Variants in WDR27 observed in about 807,000 individuals in gnomAD.
The protein encoded by WDR27 is WD repeat domain 27, also known as WD repeat-containing protein 27.
In WDR27, 100 loss-of-function variants were observed where a neutral mutation model predicts 114.4. That is an observed-to-expected ratio of 0.87 (90% CI 0.74 to 1.03). The LOEUF is 1.03. Among genes scored for constraint, WDR27 ranks in the 50% least tolerant of loss-of-function variants. The pLI is 0.00. For synonymous variants in WDR27, 449 were observed against 423.1 expected, an observed-to-expected ratio of 1.06 and a Z score of -0.75; for missense variants, 1,129 against 1,092.9, an observed-to-expected ratio of 1.03 and a Z score of -0.47.
At chr6:169,456,914 C>T (rs951951966), downstream of WDR27, among the ~76,000 whole-genome samples, 5 of 151,136 alleles carry the variant, frequency 3.3e-5, no homozygotes, top group African/African-American at 4.9e-5. This position sits in a 1 kb window ranked among gnomAD's most constrained non-coding sequence, Gnocchi z 4.0. Context: ...TCAGAGGCCA[C>T]GCTCACCACG....
At chr6:169,647,362 C>T (rs1014554754) in intron 16 of WDR27, among the ~76,000 whole-genome samples, 3 of 152,246 alleles carry the variant, frequency 2.0e-5, no homozygotes, top group African/African-American at 7.2e-5. Flanking sequence ...AGCCTGGCGC[C>T]TCCAGCCCAT....
chr6:169,619,681 T>C (rs772397974), intron 21 of WDR27, among the ~76,000 whole-genome samples: 48 of 152,152 alleles, frequency 3.2e-4, no homozygotes, highest in Non-Finnish European at 5.7e-4. Flanking sequence ...CTGGGATCAA[T>C]AGAAAGGAAA....
chr6:169,524,537 C>T (rs1485509096), intron 25 of WDR27, among the ~76,000 whole-genome samples: 2 of 152,086 alleles, frequency 1.3e-5, no homozygotes, highest in Non-Finnish European at 1.5e-5. Context: ...AAATATCCTC[C>T]AAATTTATAG....
Position 169,518,176 on chromosome 6 carries a change from A to C in WDR27, c.2645+54243T>G, listed in dbSNP as rs375199047. ...TGCAGCTTTTCTAGGCACAGGGTGC[A>C]AGCTGCCAGTGATCTACCATTCTGG... On this transcript the variant is annotated intron_variant, in intron 25 of 25. Transcript: ENST00000448612. Among the ~76,000 whole-genome samples, 32 of 152,306 alleles carry C rather than the reference A, an allele frequency of 2.1e-4. 1 individual carries two copies. The Middle Eastern group carries it at 0.014, about 65-fold the overall frequency.
chr6:169,613,028 GCTTT>G (rs1360992149), intron 22 of WDR27, among the ~76,000 whole-genome samples: 1 of 152,246 alleles, frequency 6.6e-6, no homozygotes, highest in Non-Finnish European at 1.5e-5. Context: ...AAACTAAGGT[GCTTT>G]CTAACTTTTA....
intron 22 of WDR27, among the ~76,000 whole-genome samples, chr6:169,602,957 T>G (rs1294545985): frequency 1.3e-5 from 2 of 151,746 alleles, no homozygotes; most frequent in African/African-American, 2.4e-5. Flanking sequence ...TTCTCCAGCC[T>G]CAGCCTCCCA....
At chr6:169,552,973 G>GGGGTGT (rs1472592601) in intron 25 of WDR27, among the ~76,000 whole-genome samples, 7 of 61,798 alleles carry the variant, frequency 1.1e-4, no homozygotes, top group Admixed American at 1.7e-4. Context: ...GGGCCTGCCC[G>GGGGTGT]GTGTGTGTGT....
At position 169,673,414 on chromosome 6, in the gene WDR27, TAC is replaced by T. The variant is rs528748881; in HGVS notation, c.190-1020_190-1019del. 5.6e-4 allele frequency among the ~76,000 whole-genome samples: 85 copies of T among 151,276 alleles called. No individual in the cohort carries two copies. In the South Asian group the frequency reaches 6.5e-3, roughly 12 times the overall value. On this transcript the variant is annotated intron_variant, in intron 2 of 25. Transcript: ENST00000448612. ...AACTGGACAAAATTAAATATATATA[TAC>T]ACACACACACACTATATATATATAC...
chr6:169,578,609 C>T (rs1357152921), intron 24 of WDR27, among the ~76,000 whole-genome samples: 6 of 152,140 alleles, frequency 3.9e-5, no homozygotes, highest in Non-Finnish European at 8.8e-5. Flanking sequence ...CTGGTGCAAA[C>T]TCTGAACTGC....
At chr6:169,538,285 C>A (rs2128088870) in intron 25 of WDR27, among the ~76,000 whole-genome samples, 1 of 152,232 alleles carries the variant, frequency 6.6e-6, no homozygotes, top group South Asian at 2.1e-4. Flanking sequence ...CCAGATGATC[C>A]TTCAGTCTGC....
At chr6:169,676,160 C>A (rs975789879) in intron 2 of WDR27, among the ~76,000 whole-genome samples, 1 of 152,032 alleles carries the variant, frequency 6.6e-6, no homozygotes, top group Non-Finnish European at 1.5e-5. Flanking sequence ...TTAGTCCTCA[C>A]TTGTGCAGCC....
At position 169,700,592 on chromosome 6, in the gene WDR27, A is replaced by G. The variant is rs527513628; in HGVS notation, c.-8+959T>C. Among the ~76,000 whole-genome samples the G allele has an allele frequency of 2.0e-5, 3 of 152,328 alleles. No individual in the cohort carries two copies. In the East Asian group the frequency reaches 5.8e-4, roughly 29 times the overall value. Reference sequence around the variant, plus strand: ...TTCAGAGGGCCTAAGGAAAAAAACCACAACATGGAAGAATTTTAGGCTGCA... The same window carrying G: ...TTCAGAGGGCCTAAGGAAAAAAACCGCAACATGGAAGAATTTTAGGCTGCA... On this transcript the variant is annotated intron_variant, in intron 1 of 25. Coordinates refer to ENST00000448612, the MANE Select transcript of WDR27 (RefSeq NM_182552.5).
At chr6:169,529,292 G>A (rs1180213580) in intron 25 of WDR27, among the ~76,000 whole-genome samples, 4 of 100,348 alleles carry the variant, frequency 4.0e-5, no homozygotes, top group African/African-American at 1.2e-4. Context: ...ACGCTAGCAC[G>A]TTAACGGTGG....
the WDR27 span, among the ~76,000 whole-genome samples, chr6:169,443,740 C>T: frequency 6.6e-6 from 1 of 152,200 alleles, no homozygotes; most frequent in East Asian, 1.9e-4. Flanking sequence ...AGGACATGCA[C>T]ATGAAGGTGG....
At chr6:169,667,003 G>A in intron 6 of WDR27, 133 bp downstream of exon 6, 1 of 1,284,816 alleles carries the variant, frequency 7.8e-7, no homozygotes, top group Non-Finnish European at 9.9e-7. Flanking sequence ...GGGAGTGAAG[G>A]GCTGTAAGTC....
At chr6:169,672,554 T>A (rs1779017507) in intron 2 of WDR27, among the ~76,000 whole-genome samples, 158 bp from the exon 3 acceptor site, 1 of 152,262 alleles carries the variant, frequency 6.6e-6, no homozygotes, top group Non-Finnish European at 1.5e-5. Flanking sequence ...CCCTGCTATG[T>A]ACTACTAAAT....
At chr6:169,623,275 G>A (rs1159972692) in intron 21 of WDR27, among the ~76,000 whole-genome samples, 1 of 152,112 alleles carries the variant, frequency 6.6e-6, no homozygotes, top group Non-Finnish European at 1.5e-5. Flanking sequence ...TGACCAATCA[G>A]AACTCGTGAT....
intron 25 of WDR27, among the ~76,000 whole-genome samples, chr6:169,538,552 C>T (rs1179106781): frequency 1.3e-5 from 2 of 152,096 alleles, no homozygotes; most frequent in African/African-American, 2.4e-5. Context: ...TATTTTCCTT[C>T]GAAATAGTTA....
chr6:169,515,952 T>A lies in WDR27; in HGVS notation c.2645+56467A>T, dbSNP rs140148777. On this transcript the variant is annotated intron_variant, in intron 25 of 25. Coordinates refer to ENST00000448612, the MANE Select transcript of WDR27 (RefSeq NM_182552.5). ...AAGATCTTAATTCACTGCAAATTGA[T>A]CTATGAGTTGAATGTAATCAATCAT... Among the ~76,000 whole-genome samples, 206 of 152,196 alleles carry A rather than the reference T, an allele frequency of 1.4e-3. 4 individuals are homozygous for A. The East Asian group carries it at 0.032, about 24-fold the overall frequency.
Sources: gnomAD v4.1 joint callset for allele counts (sites outside exome capture counted in the v4.1 genomes callset) on GRCh38, gnomAD v4.1.1 for gene constraint, Gnocchi (gnomAD v3.1) non-coding constraint, MANE v1.5 for transcripts, NCBI Gene and HGNC (gene_info 2026-07-23, HGNC 2026-07-21) for gene names.